The following SCTR variants were observed in gnomAD, a reference collection of about 807,000 sequenced individuals.
SCTR encodes the protein pancreatic secretin receptor.
A neutral mutation model predicts 60.8 loss-of-function variants in SCTR; 56 were observed. The observed-to-expected ratio is 0.92, with a 90% CI of 0.74 to 1.15. The LOEUF (loss-of-function observed/expected upper bound fraction) is 1.15, where lower values mean the gene tolerates loss of function less well. Among genes scored for constraint, SCTR ranks in the 50% most tolerant of loss-of-function variants. The probability of loss-of-function intolerance (pLI) is 0.00; values close to 1 mark genes in which losing one functional copy is unlikely to be tolerated. For synonymous variants in SCTR, 202 were observed against 217.0 expected, an observed-to-expected ratio of 0.93 and a Z score of 0.61; for missense variants, 562 against 550.4, an observed-to-expected ratio of 1.02 and a Z score of -0.21.
intron 2 of SCTR, among the ~76,000 whole-genome samples, chr2:119,481,722 C>T (rs1677614466): frequency 6.6e-6 from 1 of 152,240 alleles, no homozygotes; most frequent in South Asian, 2.1e-4. Context: ...GGAGAGCACG[C>T]CCCTGTGCCT....
chr2:119,440,497 C>T (rs1682617258), intron 12 of SCTR, among the ~76,000 whole-genome samples: 2 of 152,238 alleles, frequency 1.3e-5, no homozygotes, highest in Admixed American at 1.3e-4. Flanking sequence ...AAAGAAAGGA[C>T]TTGTGCACCT....
At chr2:119,514,458 AAAG>A (rs1679050186) in intron 1 of SCTR, among the ~76,000 whole-genome samples, 1 of 152,246 alleles carries the variant, frequency 6.6e-6, no homozygotes, top group Admixed American at 6.5e-5. Context: ...AAAGAATAAC[AAAG>A]AAGACACAAA....
chr2:119,502,476 T>C (rs1230931935), intron 1 of SCTR, among the ~76,000 whole-genome samples: 1 of 152,164 alleles, frequency 6.6e-6, no homozygotes, highest in African/African-American at 2.4e-5. Context: ...ACAATTCCTA[T>C]CAAAATCCCA....
chr2:119,444,436 CACAT>C (rs1196501726), intron 11 of SCTR, among the ~76,000 whole-genome samples: 4 of 19,194 alleles, frequency 2.1e-4, no homozygotes, highest in Non-Finnish European at 2.2e-4. Flanking sequence ...TATGAATATA[CACAT>C]ATATATACGT....
chr2:119,511,018 A>G (rs1261359220), intron 1 of SCTR, among the ~76,000 whole-genome samples: 1 of 152,024 alleles, frequency 6.6e-6, no homozygotes, highest in African/African-American at 2.4e-5. Flanking sequence ...TACCGCGGTG[A>G]AACCCCGTCT....
In SCTR at chr2:119,507,663, C is replaced by CTTTTT. The variant is rs751779879; in HGVS notation, c.73-13120_73-13116dup. Reference sequence around the variant, plus strand: ...CGCATTCCATTTCCTCTTTCTCGTTCTTTTTTTTTTTTTTTTCTTTTTTTT... The same window carrying CTTTTT: ...CGCATTCCATTTCCTCTTTCTCGTTCTTTTTTTTTTTTTTTTTTTTTCTTTTTTTT... On this transcript the variant is annotated intron_variant, in intron 1 of 12. Transcript: ENST00000019103. 4.6e-4 allele frequency among the ~76,000 whole-genome samples: 53 copies of CTTTTT among 114,734 alleles called. 1 individual carries two copies. Among genetic ancestry groups the CTTTTT allele is most frequent in the Non-Finnish European group, 7.0e-4 (40 of 57,274 alleles). The allele number at this position is 114,734 out of a possible 152,430, so 75.3% of individuals were successfully genotyped here.
intron 9 of SCTR, among the ~76,000 whole-genome samples, chr2:119,450,742 G>A (rs1323965083): frequency 6.6e-6 from 1 of 152,116 alleles, no homozygotes; most frequent in Non-Finnish European, 1.5e-5. Context: ...GGCTGAGGCA[G>A]GCAGATCACT....
At chr2:119,448,606 T>C in intron 10 of SCTR, 83 bp downstream of exon 10, 1 of 808,754 alleles carries the variant, frequency 1.2e-6, no homozygotes, top group Non-Finnish European at 2.1e-6. Context: ...CCGTCTCCAA[T>C]AGCTAGCACC....
chr2:119,521,935 C>T (rs1679298914), intron 1 of SCTR, among the ~76,000 whole-genome samples: 1 of 152,098 alleles, frequency 6.6e-6, no homozygotes, highest in Non-Finnish European at 1.5e-5. Context: ...TAAAATAACC[C>T]AAGGACCACG....
At chr2:119,447,006 C>A in intron 10 of SCTR, 121 bp from the exon 11 acceptor site, 1 of 1,067,662 alleles carries the variant, frequency 9.4e-7, no homozygotes, top group South Asian at 4.1e-5. Context: ...CTAGCAGTAC[C>A]CCAAACTTTT....
intron 6 of SCTR, among the ~76,000 whole-genome samples, chr2:119,462,706 G>T (rs1683663502): frequency 6.6e-6 from 1 of 152,200 alleles, no homozygotes; most frequent in Non-Finnish European, 1.5e-5. Context: ...TTTGCATTGG[G>T]CTGTCCCCTG....
chr2:119,494,292 C>T lies in SCTR; in HGVS notation c.193+136G>A. 7 of 951,680 alleles carry T rather than the reference C, an allele frequency of 7.4e-6. 1 individual carries two copies. The highest frequency in any genetic ancestry group is 1.1e-5 in the Non-Finnish European group (7 of 651,968). 59.0% of individuals were successfully genotyped at this position (951,680 alleles called of 1,614,324 possible). On this transcript the variant is annotated intron_variant, in intron 2 of 12. Transcript: ENST00000019103. ...CAGAACCACTCCAGCCCTGCCCCAC[C>T]AGCTGATTGTCTGAGTGAGAAAAGC...
At chr2:119,450,587 G>C (rs1235519505) in intron 9 of SCTR, among the ~76,000 whole-genome samples, 1 of 151,904 alleles carries the variant, frequency 6.6e-6, no homozygotes, top group African/African-American at 2.4e-5. Flanking sequence ...AAGTATGTCT[G>C]CTCAAAGAAG....
At chr2:119,495,719 T>A (rs557458216) in intron 1 of SCTR, among the ~76,000 whole-genome samples, 19 of 152,300 alleles carry the variant, frequency 1.2e-4, no homozygotes, top group Admixed American at 4.6e-4. Context: ...GGAAAGGATC[T>A]ACCAGCTGCA....
chr2:119,469,117 C>A (rs1210671645), intron 4 of SCTR, among the ~76,000 whole-genome samples: 1 of 152,148 alleles, frequency 6.6e-6, no homozygotes, highest in Non-Finnish European at 1.5e-5. Context: ...CCTTGAAGGG[C>A]AGTGGGTTGC....
chr2:119,448,790 A>T lies in SCTR; in HGVS notation c.922-10T>A. 1 of 1,509,220 alleles carries T rather than the reference A, an allele frequency of 6.6e-7. No homozygotes were observed. The highest frequency in any genetic ancestry group is 9.2e-7 in the Non-Finnish European group (1 of 1,085,242). The allele number at this position is 1,509,220 out of a possible 1,614,324, so 93.5% of individuals were successfully genotyped here. ...AAAGGATGAAATTAATCTGCAAAAC[A>T]CAAGGCAGAGGTGGGGCTGAAGGCA... On this transcript the variant is annotated splice_polypyrimidine_tract_variant and intron_variant, in intron 9 of 12. Coordinates refer to ENST00000019103, the MANE Select transcript of SCTR (RefSeq NM_002980.3).
At chr2:119,459,676 C>G (rs1013467802) in intron 7 of SCTR, among the ~76,000 whole-genome samples, 1 of 152,050 alleles carries the variant, frequency 6.6e-6, no homozygotes, top group Non-Finnish European at 1.5e-5. Flanking sequence ...ACAGGGCTGG[C>G]GTACAGTAGA....
intron 11 of SCTR, among the ~76,000 whole-genome samples, chr2:119,443,506 T>G (rs1682732746): frequency 6.6e-6 from 1 of 152,246 alleles, no homozygotes; most frequent in African/African-American, 2.4e-5. Context: ...TCCCAAATTA[T>G]TCACAATAAG....
intron 1 of SCTR, among the ~76,000 whole-genome samples, chr2:119,518,975 C>CT (rs898922357): frequency 2.0e-4 from 30 of 151,082 alleles, no homozygotes; most frequent in African/African-American, 5.6e-4. Flanking sequence ...TGGACTCCCC[C>CT]TTTTTTTTTG....
Sources: gnomAD v4.1 joint callset for allele counts (sites outside exome capture counted in the v4.1 genomes callset) on GRCh38, gnomAD v4.1.1 for gene constraint, MANE v1.5 for transcripts, NCBI Gene and HGNC (gene_info 2026-07-23, HGNC 2026-07-21) for gene names.